Variants in SMAD2 observed in about 807,000 individuals in gnomAD.
SMAD2 encodes the protein SMAD family member 2.
In SMAD2, 8 loss-of-function variants were observed where a neutral mutation model predicts 64.4. The observed-to-expected ratio is 0.12, with a 90% CI of 0.07 to 0.22. The LOEUF is 0.22. SMAD2 is among the 10% of genes least tolerant of loss of function. The pLI, the probability that SMAD2 is intolerant of heterozygous loss-of-function variation, is 1.00. For synonymous variants in SMAD2, 203 were observed against 195.8 expected (o/e 1.04, Z -0.31); for missense variants, 289 against 561.2 (o/e 0.51, Z 4.90).
chr18:47,832,079 T>A lies in SMAD2; in HGVS notation c.*9748A>T, dbSNP rs1489723306. ...TGATACTGATGCCTGCTTCCTGCAC[T>A]AAGAGGCTTTCAATCTATTTTGAAG... On this transcript the variant is annotated 3_prime_UTR_variant, in exon 11 of 11. Coordinates refer to ENST00000262160, the MANE Select transcript of SMAD2 (RefSeq NM_005901.6). 3 of 152,200 alleles carry A rather than the reference T, an allele frequency of 2.0e-5. No individual in the cohort carries two copies. Among genetic ancestry groups the A allele is most frequent in the Non-Finnish European group, 4.4e-5 (3 of 68,048 alleles). The allele number at this position is 152,200 out of a possible 1,614,324, so 9.4% of individuals were successfully genotyped here. A position where few individuals can be genotyped will look rare whatever the true frequency, so the allele number is the denominator to read the frequency against.
chr18:47,852,358 AT>A (rs753540448), intron 6 of SMAD2, among the ~76,000 whole-genome samples: 23 of 152,152 alleles, frequency 1.5e-4, no homozygotes, highest in South Asian at 4.1e-4. Flanking sequence ...GACGGTGGAT[AT>A]CTTACTCTTG....
rs1187295598 is a variant in SMAD2, at chr18:47,836,050, C to T, written c.*5777G>A. On this transcript the variant is annotated 3_prime_UTR_variant, in exon 11 of 11. Coordinates refer to ENST00000262160, the MANE Select transcript of SMAD2 (RefSeq NM_005901.6). The stretch of plus-strand genomic sequence containing the variant: ...GGATTCATTATGGATCTCATGGCAC[C>T]AAACCAACTGGCACTGAAGTTAAGT... The T allele has an allele frequency of 4.7e-6, 1 of 214,430 alleles. No homozygotes were observed. Among genetic ancestry groups the T allele is most frequent in the Admixed American group, 5.8e-5 (1 of 17,122 alleles). The allele number at this position is 214,430 out of a possible 1,614,324, so 13.3% of individuals were successfully genotyped here.
At chr18:47,854,640 GTT>G (rs140293195) in intron 6 of SMAD2, among the ~76,000 whole-genome samples, 85,996 of 150,924 alleles carry the variant, frequency 0.57, 24,658 homozygotes, top group East Asian at 0.75. Flanking sequence ...ATTCACCCAG[GTT>G]TTTTTTTAAA....
chr18:47,850,271 TTATATATTATA>T (rs1396782665), intron 7 of SMAD2, among the ~76,000 whole-genome samples: 4 of 69,340 alleles, frequency 5.8e-5, no homozygotes, highest in Non-Finnish European at 9.4e-5. Context: ...ATAATATATA[TTATATATTATA>T]TATATTATGT....
At chr18:47,896,892 C>A (rs2033461122) in intron 1 of SMAD2, 83 bp from the exon 2 acceptor site, 1 of 1,276,134 alleles carries the variant, frequency 7.8e-7, no homozygotes, top group African/African-American at 1.5e-5. Context: ...AAGCAAACTG[C>A]AAAGCAAGAT....
chr18:47,852,980 G>C (rs1210758658), intron 6 of SMAD2, among the ~76,000 whole-genome samples: 4 of 152,076 alleles, frequency 2.6e-5, no homozygotes, highest in South Asian at 2.1e-4. Flanking sequence ...TTTAGGCACA[G>C]TTACCTAAAA....
At chr18:47,905,351 T>C (rs776387755) in intron 1 of SMAD2, among the ~76,000 whole-genome samples, 5 of 152,204 alleles carry the variant, frequency 3.3e-5, no homozygotes, top group African/African-American at 7.2e-5. Flanking sequence ...AAGATTCATA[T>C]TGCTTAAATG....
In SMAD2 at chr18:47,885,130, TATAC is replaced by T. The variant is rs1286715681; in HGVS notation, c.236+11387_236+11390del. ...CTTATCGATTTTCTAGATTTAGTCA[TATAC>T]ACACACACACACACACACACACACA... On this transcript the variant is annotated intron_variant, in intron 2 of 10. Transcript: ENST00000262160. Among the ~76,000 whole-genome samples, 183 of 64,266 alleles carry T rather than the reference TATAC, an allele frequency of 2.8e-3. 1 individual carries two copies. The highest frequency in any genetic ancestry group is 0.012 in the African/African-American group (166 of 13,772). 42.2% of individuals were successfully genotyped at this position (64,266 alleles called of 152,430 possible).
chr18:47,930,613 G>A lies in SMAD2; in HGVS notation c.-306C>T, dbSNP rs1332418214. The stretch of plus-strand genomic sequence containing the variant: ...GGGAGGAGAGGGAAGGGGAGGGGAG[G>A]GAGCCTGGCCGCCGCCCGCGGGGAA... On this transcript the variant is annotated 5_prime_UTR_variant, in exon 1 of 11. Transcript: ENST00000262160. 1 of 149,868 alleles carries A rather than the reference G, an allele frequency of 6.7e-6. No homozygotes were observed. The highest frequency in any genetic ancestry group is 2.1e-4 in the South Asian group (1 of 4,780). The allele number at this position is 149,868 out of a possible 1,614,324, so 9.3% of individuals were successfully genotyped here. A position where few individuals can be genotyped will look rare whatever the true frequency, so the allele number is the denominator to read the frequency against.
chr18:47,903,237 A>G (rs2033759627), intron 1 of SMAD2, among the ~76,000 whole-genome samples: 1 of 152,272 alleles, frequency 6.6e-6, no homozygotes, highest in Middle Eastern at 3.4e-3. Context: ...CAGGACATTG[A>G]TCTACCGAGG....
chr18:47,835,360 T>A lies in SMAD2; in HGVS notation c.*6467A>T. 1 of 204,038 alleles carries A rather than the reference T, an allele frequency of 4.9e-6. No individual in the cohort carries two copies. The highest frequency in any genetic ancestry group is 1.9e-4 in the South Asian group (1 of 5,310). The allele number at this position is 204,038 out of a possible 1,614,324, so 12.6% of individuals were successfully genotyped here. The stretch of plus-strand genomic sequence containing the variant: ...AATTAATCTGTGTGTATATTAGTTA[T>A]ATAAAGCAATGGATTTCCACATTCT... On this transcript the variant is annotated 3_prime_UTR_variant, in exon 11 of 11. Transcript: ENST00000262160.
At position 47,848,500 on chromosome 18, in the gene SMAD2, C is replaced by T. The variant is rs372655472; in HGVS notation, c.972G>A (p.Thr324=). 141 of 1,613,368 alleles carry T rather than the reference C, an allele frequency of 8.7e-5. No homozygotes were observed. Among genetic ancestry groups the T allele is most frequent in the African/African-American group, 5.2e-4 (39 of 75,012 alleles). Residue 324 remains threonine (T), a synonymous_variant, in exon 8 of 11, where the codon ACG becomes ACA. Transcript: ENST00000262160. ...GLLSNVNRNA[T]VEMTRRHIGR... is the part of the protein sequence containing the mutation. ...CTATATGCCTTCTTGTCATTTCTAC[C>T]GTGGCATTTCGGTTAACATTGGAGA...
intron 1 of SMAD2, among the ~76,000 whole-genome samples, chr18:47,921,971 A>G (rs530926004): frequency 1.8e-4 from 28 of 152,364 alleles, no homozygotes; most frequent in Admixed American, 9.8e-4. Flanking sequence ...TGAAGAAAGT[A>G]TGATCACTGA....
chr18:47,912,645 T>C (rs2034183005), intron 1 of SMAD2: 3 of 152,164 alleles, frequency 2.0e-5, no homozygotes, highest in African/African-American at 4.8e-5. Flanking sequence ...TTCTGAGGAC[T>C]GTCCAGGCCT....
chr18:47,897,172 A>G (rs1459145004), intron 1 of SMAD2, among the ~76,000 whole-genome samples: 1 of 152,172 alleles, frequency 6.6e-6, no homozygotes, highest in Non-Finnish European at 1.5e-5. Flanking sequence ...CTAATCTCAA[A>G]AGACTATACA....
At position 47,840,201 on chromosome 18, in the gene SMAD2, G is replaced by A. The variant is rs1206347533; in HGVS notation, c.*1626C>T. ...ACCAAATGTTGAAAGTATTGAAAATGATACCTATAGAGACAGGTGGATATG... is the reference window on the plus strand; with the variant it reads ...ACCAAATGTTGAAAGTATTGAAAATAATACCTATAGAGACAGGTGGATATG... On this transcript the variant is annotated 3_prime_UTR_variant, in exon 11 of 11. Transcript: ENST00000262160. 1 of 232,948 alleles carries A rather than the reference G, an allele frequency of 4.3e-6. No individual in the cohort carries two copies. Among genetic ancestry groups the A allele is most frequent in the Non-Finnish European group, 8.5e-6 (1 of 117,894 alleles). 14.4% of individuals were successfully genotyped at this position (232,948 alleles called of 1,614,324 possible).
At chr18:47,871,073 G>A (rs1555651790) in intron 2 of SMAD2, among the ~76,000 whole-genome samples, 1 of 152,048 alleles carries the variant, frequency 6.6e-6, no homozygotes, top group Non-Finnish European at 1.5e-5. Flanking sequence ...CTCATCTCTA[G>A]AATAAATAAA....
intron 1 of SMAD2, chr18:47,912,152 G>C (rs974313091): frequency 6.6e-6 from 1 of 152,140 alleles, no homozygotes; most frequent in Non-Finnish European, 1.5e-5. Flanking sequence ...TAGGAGAGAC[G>C]AAAAATTTAG....
intron 1 of SMAD2, among the ~76,000 whole-genome samples, chr18:47,919,636 G>A (rs58573997): frequency 0.056 from 8,482 of 152,114 alleles, 620 homozygotes; most frequent in Admixed American, 0.21. Context: ...AGTGCAAATC[G>A]GAGCAAGCTA....
Sources: allele counts gnomAD v4.1 joint callset (sites outside exome capture counted in the v4.1 genomes callset), GRCh38; gene constraint gnomAD v4.1.1; transcripts MANE v1.5; gene names NCBI Gene and HGNC (gene_info 2026-07-23, HGNC 2026-07-21).